The following HUNK variants were observed in gnomAD, a reference collection of about 807,000 sequenced individuals.
HUNK encodes the protein hormonally up-regulated neu tumor-associated kinase.
A neutral mutation model predicts 61.0 loss-of-function variants in HUNK; 21 were observed. The ratio of observed to expected loss-of-function variants is 0.34; its 90% confidence interval spans 0.24 to 0.50. The LOEUF (loss-of-function observed/expected upper bound fraction) is 0.50, where lower values mean the gene tolerates loss of function less well. Ranked by LOEUF, HUNK falls within the 20% of genes least tolerant of loss-of-function variation. The probability of loss-of-function intolerance (pLI) is 0.98; values close to 1 mark genes in which losing one functional copy is unlikely to be tolerated. For synonymous variants in HUNK, 371 were observed against 386.1 expected, an observed-to-expected ratio of 0.96 and a Z score of 0.46; for missense variants, 772 against 945.7, an observed-to-expected ratio of 0.82 and a Z score of 2.41.
intron 1 of HUNK, among the ~76,000 whole-genome samples, chr21:31,878,277 AAG>A (rs1568914279): frequency 2.0e-5 from 3 of 150,800 alleles, no homozygotes; most frequent in African/African-American, 4.9e-5. Context: ...AAAAAAAAAA[AAG>A]AGTTTAAGAT....
At chr21:31,935,985 C>T (rs896801409) in intron 2 of HUNK, among the ~76,000 whole-genome samples, 12 of 151,922 alleles carry the variant, frequency 7.9e-5, no homozygotes, top group African/African-American at 2.4e-4. Flanking sequence ...TTAGTAGAGA[C>T]GGGGTTTCAC....
chr21:31,921,998 T>TA (rs1336360883), intron 1 of HUNK, among the ~76,000 whole-genome samples: 1 of 152,108 alleles, frequency 6.6e-6, no homozygotes, highest in African/African-American at 2.4e-5. Context: ...TTGAGAACAT[T>TA]AAAAAATCTC....
chr21:31,916,012 C>T (rs1362613805), intron 1 of HUNK, among the ~76,000 whole-genome samples: 1 of 144,370 alleles, frequency 6.9e-6, no homozygotes, highest in Non-Finnish European at 1.5e-5. Context: ...AGGAGCACTT[C>T]GTATGTGCCA....
At chr21:31,980,735 A>G (rs2053091805) in intron 7 of HUNK, among the ~76,000 whole-genome samples, 1 of 145,238 alleles carries the variant, frequency 6.9e-6, no homozygotes. Flanking sequence ...ATGGAGTTTC[A>G]TTCTTGTTGT....
intron 1 of HUNK, among the ~76,000 whole-genome samples, chr21:31,882,221 T>TA (rs1399886743): frequency 6.6e-6 from 1 of 152,246 alleles, no homozygotes; most frequent in Non-Finnish European, 1.5e-5. Context: ...TTAGCACTCT[T>TA]ACGGTGGCCA....
chr21:31,897,953 T>C (rs987375279), intron 1 of HUNK, among the ~76,000 whole-genome samples: 3 of 152,082 alleles, frequency 2.0e-5, no homozygotes, highest in Non-Finnish European at 2.9e-5. Context: ...TAAGTGCACT[T>C]GGGCTTATGG....
Position 32,001,128 on chromosome 21 carries a change from T to C in HUNK, c.*1944T>C, listed in dbSNP as rs3787695. The C allele has an allele frequency of 0.62, 95,721 of 153,944 alleles. 29,803 individuals are homozygous for C. Among genetic ancestry groups the C allele is most frequent in the South Asian group, 0.72 (3,429 of 4,762 alleles). The allele number at this position is 153,944 out of a possible 1,614,324, so 9.5% of individuals were successfully genotyped here. A position where few individuals can be genotyped will look rare whatever the true frequency, so the allele number is the denominator to read the frequency against. ...CTCTACCGAAAAATACAAAAAAAAA[T>C]AGCTGGGTGTGGTGGTACGTGCCTG... On this transcript the variant is annotated 3_prime_UTR_variant, in exon 11 of 11. Transcript: ENST00000270112.
intron 6 of HUNK, among the ~76,000 whole-genome samples, chr21:31,968,842 TTGTGTGTGTGTG>T (rs56695834): frequency 0.24 from 34,249 of 140,462 alleles, 4,260 homozygotes; most frequent in Non-Finnish European, 0.28. Flanking sequence ...GTGTGTAAAT[TTGTGTGTGTGTG>T]TGTGTGTGTG....
chr21:31,979,408 C>T (rs9984004), intron 7 of HUNK, among the ~76,000 whole-genome samples: 6 of 150,916 alleles, frequency 4.0e-5, no homozygotes, highest in Admixed American at 2.0e-4. Flanking sequence ...TGAGCCACCG[C>T]GCCCGGCCCC....
intron 1 of HUNK, among the ~76,000 whole-genome samples, chr21:31,911,892 T>C (rs2052548008): frequency 6.6e-6 from 1 of 151,946 alleles, no homozygotes; most frequent in African/African-American, 2.4e-5. Context: ...TGAGAAACCA[T>C]TTTCTGCAGC....
chr21:31,965,213 C>T (rs971571797), intron 5 of HUNK, among the ~76,000 whole-genome samples: 12 of 151,848 alleles, frequency 7.9e-5, no homozygotes, highest in Admixed American at 2.6e-4. Flanking sequence ...AACCAAATAC[C>T]GCATGTTCTC....
In HUNK at chr21:32,002,075, TC is replaced by T. The variant is rs2053249997; in HGVS notation, c.*2892del. ...GTTGCAAATAATAGTACAGGTACCA[TC>T]TTTTATGTGAAGTTCTTTTTCTTTT... is the stretch of plus-strand genomic sequence containing the variant. On this transcript the variant is annotated 3_prime_UTR_variant, in exon 11 of 11. Transcript: ENST00000270112. The T allele has an allele frequency of 1.3e-5, 2 of 152,680 alleles. No individual in the cohort carries two copies. The highest frequency in any genetic ancestry group is 6.5e-5 in the Admixed American group (1 of 15,278). 9.5% of individuals were successfully genotyped at this position (152,680 alleles called of 1,614,324 possible). A position where few individuals can be genotyped will look rare whatever the true frequency, so the allele number is the denominator to read the frequency against.
chr21:31,928,750 G>T (rs1051171336), intron 2 of HUNK, among the ~76,000 whole-genome samples: 14 of 152,300 alleles, frequency 9.2e-5, no homozygotes, highest in African/African-American at 3.1e-4. Flanking sequence ...GACTTTCAAA[G>T]ACTCTATACC....
intron 4 of HUNK, among the ~76,000 whole-genome samples, chr21:31,950,626 A>C (rs2052842981): frequency 2.0e-5 from 3 of 152,120 alleles, no homozygotes. Flanking sequence ...CAAACTTTCT[A>C]TCTGTCTAAA....
At chr21:31,990,207 AG>A (rs779575164) in intron 9 of HUNK, 31 bp downstream of exon 9, 41 of 1,581,812 alleles carry the variant, frequency 2.6e-5, no homozygotes, top group Non-Finnish European at 3.5e-5. Context: ...TATGTTAGTC[AG>A]GGTTCTCCAG....
chr21:31,970,579 C>T (rs1470572505), intron 6 of HUNK, among the ~76,000 whole-genome samples: 1 of 152,126 alleles, frequency 6.6e-6, no homozygotes, highest in Non-Finnish European at 1.5e-5. Flanking sequence ...GGTATGCTTT[C>T]TGTTAAAGGA....
rs568969909 is a variant in HUNK, at chr21:32,000,471, G to C, written c.*1287G>C. 2.5e-6 allele frequency: 1 copy of C among 399,214 alleles called. No homozygotes were observed. Among genetic ancestry groups the C allele is most frequent in the Non-Finnish European group, 4.4e-6 (1 of 226,170 alleles). 24.7% of individuals were successfully genotyped at this position (399,214 alleles called of 1,614,324 possible). ...TTGTGGACAGCCGTGTTGTCTGACTGTATCCAGCTGGCACTTGACAGGGTG... is the reference window on the plus strand; with the variant it reads ...TTGTGGACAGCCGTGTTGTCTGACTCTATCCAGCTGGCACTTGACAGGGTG... On this transcript the variant is annotated 3_prime_UTR_variant, in exon 11 of 11. Coordinates refer to ENST00000270112, the MANE Select transcript of HUNK (RefSeq NM_014586.2).
At chr21:31,951,222 G>A (rs1399653211) in intron 4 of HUNK, among the ~76,000 whole-genome samples, 2 of 150,516 alleles carry the variant, frequency 1.3e-5, no homozygotes, top group African/African-American at 4.9e-5. Flanking sequence ...ATAACATATA[G>A]ATGTGTGTGT....
intron 1 of HUNK, among the ~76,000 whole-genome samples, chr21:31,879,128 A>G (rs968393726): frequency 1.3e-5 from 2 of 152,224 alleles, no homozygotes; most frequent in African/African-American, 2.4e-5. Flanking sequence ...AAGAAATATG[A>G]CTAATTTTAG....
Sources: allele counts gnomAD v4.1 joint callset (sites outside exome capture counted in the v4.1 genomes callset), GRCh38; gene constraint gnomAD v4.1.1; transcripts MANE v1.5; gene names NCBI Gene and HGNC (gene_info 2026-07-23, HGNC 2026-07-21).